The following ABCC4 variants were observed in gnomAD, a reference collection of about 807,000 sequenced individuals.
The protein encoded by ABCC4 is ATP-binding cassette sub-family C member 4.
In ABCC4, 102 loss-of-function variants were observed where a neutral mutation model predicts 168.5. The ratio of observed to expected loss-of-function variants is 0.61; its 90% confidence interval spans 0.52 to 0.71. The LOEUF (loss-of-function observed/expected upper bound fraction) is 0.71, where lower values mean the gene tolerates loss of function less well. Among genes scored for constraint, ABCC4 ranks in the 30% least tolerant of loss-of-function variants. ABCC4 has a pLI of 0.00. For synonymous variants in ABCC4, 617 were observed against 590.7 expected, an observed-to-expected ratio of 1.04 and a Z score of -0.65; for missense variants, 1,402 against 1,605.8, an observed-to-expected ratio of 0.87 and a Z score of 2.17.
chr13:95,065,180 AACTCCAAGCACTAAAAATATT>A (rs1243333471), intron 25 of ABCC4, among the ~76,000 whole-genome samples: 10 of 152,182 alleles, frequency 6.6e-5, no homozygotes, highest in Non-Finnish European at 1.0e-4. Context: ...AGGTTTTCTC[AACTCCAAGCACTAAAAATATT>A]ACTTGTTCTG....
At chr13:95,237,708 G>A (rs1197086547) in intron 3 of ABCC4, among the ~76,000 whole-genome samples, 1 of 152,060 alleles carries the variant, frequency 6.6e-6, no homozygotes. Flanking sequence ...AGGCCCAGCG[G>A]GCACGCGGCC....
rs551087004 is a variant in ABCC4, at chr13:95,211,587, G to A, written c.532-806C>T. On this transcript the variant is annotated intron_variant, in intron 4 of 30. Transcript: ENST00000645237. ...AGCAGGTGAAGCTCATGGAAGCGGG[G>A]CTGAAACAGGTGAAGCTTATGGAAA... Among the ~76,000 whole-genome samples the A allele has an allele frequency of 8.5e-5, 13 of 152,268 alleles. No individual in the cohort carries two copies. The East Asian group carries it at 1.2e-3, about 14-fold the overall frequency.
At chr13:95,216,030 CATTT>C (rs1272037440) in intron 4 of ABCC4, among the ~76,000 whole-genome samples, 1 of 152,172 alleles carries the variant, frequency 6.6e-6, no homozygotes, top group Non-Finnish European at 1.5e-5. Context: ...AAGTCATATT[CATTT>C]ATGTCATTAT....
rs188605521 is a variant in ABCC4, at chr13:95,188,595, A to G, written c.1264-53T>C. The G allele has an allele frequency of 5.7e-4, 825 of 1,437,800 alleles. 3 individuals are homozygous for G. The Middle Eastern group carries it at 0.011, about 19-fold the overall frequency. The allele number at this position is 1,437,800 out of a possible 1,614,324, so 89.1% of individuals were successfully genotyped here. On this transcript the variant is annotated intron_variant, in intron 9 of 30. Coordinates refer to ENST00000645237, the MANE Select transcript of ABCC4 (RefSeq NM_005845.5). Reference sequence around the variant, plus strand: ...CCATTTCAATAAAGTCACACAAATCACTTCAAAAAGAGAAGAAAACAATAC... The same window carrying G: ...CCATTTCAATAAAGTCACACAAATCGCTTCAAAAAGAGAAGAAAACAATAC...
rs1262036054 is a variant in ABCC4 at position 95,049,660 on chromosome 13, TAAA to T, written c.3456+3432_3456+3434del. 2.0e-5 allele frequency among the ~76,000 whole-genome samples: 3 copies of T among 150,672 alleles called. No individual in the cohort carries two copies. The East Asian group carries it at 5.8e-4, about 29-fold the overall frequency. On this transcript the variant is annotated intron_variant, in intron 27 of 30. Coordinates refer to ENST00000645237, the MANE Select transcript of ABCC4 (RefSeq NM_005845.5). ...TGTCTCAAATAAATAAATAAATAAA[TAAA>T]AATAAATAAATAAAAAAATAACCAA...
At chr13:95,052,568 C>T (rs114186751) in intron 27 of ABCC4, among the ~76,000 whole-genome samples, 5,143 of 152,272 alleles carry the variant, frequency 0.034, 103 homozygotes, top group Middle Eastern at 0.048. Flanking sequence ...GCAGAGGCTG[C>T]AGGGTTCTGT....
Position 95,282,741 on chromosome 13 carries a change from A to G in ABCC4, c.74+18500T>C, listed in dbSNP as rs933964545. Among the ~76,000 whole-genome samples the G allele has an allele frequency of 6.0e-5, 9 of 150,944 alleles. No homozygotes were observed. In the South Asian group the frequency reaches 6.4e-4, roughly 11 times the overall value. ...GTAGAGACAGGGTTTCACCATGTTG[A>G]CCAGTCTGCTCTCAAACTCCTGACC... On this transcript the variant is annotated intron_variant, in intron 1 of 30. Transcript: ENST00000645237.
At chr13:95,287,229 T>A (rs1484637608) in intron 1 of ABCC4, among the ~76,000 whole-genome samples, 3 of 151,962 alleles carry the variant, frequency 2.0e-5, no homozygotes, top group Non-Finnish European at 4.4e-5. Context: ...ACCCAGAAGG[T>A]TGCAGTGAGC....
intron 30 of ABCC4, among the ~76,000 whole-genome samples, chr13:95,033,662 CTTTTT>C (rs56165679): frequency 2.2e-5 from 3 of 133,728 alleles, no homozygotes; most frequent in Non-Finnish European, 5.0e-5. Flanking sequence ...GCAATTACAT[CTTTTT>C]TTTTTTTTTT....
intron 2 of ABCC4, 41 bp from the exon 3 acceptor site, chr13:95,247,136 G>T: frequency 6.3e-7 from 1 of 1,594,410 alleles, no homozygotes; most frequent in Non-Finnish European, 8.5e-7. Context: ...AGTGAACCCT[G>T]CCACAATATA....
rs553316228 is a variant in ABCC4, at chr13:95,161,269, T to C, written c.2375A>G (p.Asn792Ser). Residue 792 changes from asparagine to serine, a missense_variant, in exon 19 of 31, where the codon AAC becomes AGC. Asn to Ser is a conservative substitution (Grantham distance 46). Transcript: ENST00000645237. ...TTTGTTGTGCAAAGTTTGTGAAGAG[T>C]TAACAAGGACGTAGAATACCAATAG... ...RSLLVFYVLV[N>S]SSQTLHNKMF... 1.2e-6 allele frequency: 2 copies of C among 1,610,988 alleles called. 1 individual carries two copies. The highest frequency in any genetic ancestry group is 4.5e-5 in the East Asian group (2 of 44,738).
At chr13:95,079,098 C>T (rs2034004788) in intron 21 of ABCC4, among the ~76,000 whole-genome samples, 1 of 152,178 alleles carries the variant, frequency 6.6e-6, no homozygotes, top group South Asian at 2.1e-4. Flanking sequence ...CTCTTTCACA[C>T]CCCACTTAGG....
In ABCC4 at chr13:95,084,013, G is replaced by A. The variant is rs116530488; in HGVS notation, c.2536-723C>T. Among the ~76,000 whole-genome samples, 970 of 152,244 alleles carry A rather than the reference G, an allele frequency of 6.4e-3. 10 individuals carry two copies. The highest frequency in any genetic ancestry group is 0.021 in the African/African-American group (886 of 41,548). On this transcript the variant is annotated intron_variant, in intron 20 of 30. Coordinates refer to ENST00000645237, the MANE Select transcript of ABCC4 (RefSeq NM_005845.5). ...GAACCCAGAAGCCTCAGCTATGCAC[G>A]GGATAAGGAAGTGACTAATTGCAAA...
chr13:95,031,181 G>A (rs73555558), intron 30 of ABCC4, among the ~76,000 whole-genome samples: 5,865 of 152,324 alleles, frequency 0.039, 377 homozygotes, highest in African/African-American at 0.13. Context: ...AGAGGACCAA[G>A]TGTATGCAGA....
At chr13:95,172,611 T>G (rs943459542) in intron 13 of ABCC4, among the ~76,000 whole-genome samples, 1 of 147,180 alleles carries the variant, frequency 6.8e-6, no homozygotes, top group Admixed American at 6.8e-5. Flanking sequence ...AGCTGACACA[T>G]ACAATGTTGG....
chr13:95,282,777 C>T (rs2041159250), intron 1 of ABCC4, among the ~76,000 whole-genome samples: 1 of 151,808 alleles, frequency 6.6e-6, no homozygotes, highest in Non-Finnish European at 1.5e-5. Context: ...TTGTGATCTG[C>T]CCACCTTGGC....
chr13:95,174,317 T>C (rs2139584498), intron 13 of ABCC4, among the ~76,000 whole-genome samples: 1 of 152,312 alleles, frequency 6.6e-6, no homozygotes, highest in South Asian at 2.1e-4. Flanking sequence ...GAAGCGTAAT[T>C]CATTCACTTT....
intron 20 of ABCC4, among the ~76,000 whole-genome samples, chr13:95,087,601 G>A (rs949380814): frequency 2.0e-5 from 3 of 152,194 alleles, no homozygotes; most frequent in Non-Finnish European, 4.4e-5. Flanking sequence ...TATACAAACC[G>A]ACAGGAATAT....
At chr13:95,273,347 C>T (rs1228047196) in intron 1 of ABCC4, among the ~76,000 whole-genome samples, 2 of 152,162 alleles carry the variant, frequency 1.3e-5, no homozygotes, top group Non-Finnish European at 1.5e-5. Context: ...GCAGCTCTGT[C>T]GGCCTGGATG....
Sources: gnomAD v4.1 joint callset for allele counts (sites outside exome capture counted in the v4.1 genomes callset) on GRCh38, gnomAD v4.1.1 for gene constraint, MANE v1.5 for transcripts, NCBI Gene and HGNC (gene_info 2026-07-23, HGNC 2026-07-21) for gene names.